Variants in LILRA5 observed in about 807,000 individuals in gnomAD.
LILRA5 encodes the protein leukocyte immunoglobulin-like receptor subfamily A member 5.
A neutral mutation model predicts 36.3 loss-of-function variants in LILRA5; 31 were observed. The observed-to-expected ratio is 0.85, with a 90% confidence interval of 0.64 to 1.15. The LOEUF is 1.15. LILRA5 is among the 50% of genes most tolerant of loss of function. The pLI is 0.00. For synonymous variants in LILRA5, 144 were observed against 144.8 expected (o/e 0.99, Z 0.04); for missense variants, 348 against 377.4 (o/e 0.92, Z 0.64).
chr19:54,308,348 TATATAA>T (rs1569138873), intron 5 of LILRA5: 151 of 10,674 alleles, frequency 0.014, 7 homozygotes, highest in African/African-American at 0.06. Flanking sequence ...TATATATGTA[TATATAA>T]ATATATATAT....
intron 5 of LILRA5, chr19:54,308,359 ATAT>A: frequency 2.2e-4 from 2 of 8,894 alleles, no homozygotes; most frequent in Admixed American, 1.8e-3. Flanking sequence ...ATATAAATAT[ATAT>A]ATATATATAT....
intron 5 of LILRA5, 182 bp downstream of exon 5, chr19:54,311,232 A>T (rs867801878): frequency 6.8e-7 from 1 of 1,478,070 alleles, no homozygotes; most frequent in Middle Eastern, 2.0e-4. Context: ...CTGAGATTAC[A>T]CGTGTGAGCC....
chr19:54,307,278 A>G lies in LILRA5; in HGVS notation c.*135T>C, dbSNP rs908929104. Reference sequence around the variant, plus strand: ...AAAAAAAAAAAAAAGAAAGAAAAGAAAAGAAAGAAAAAAAGAAATTGCCAG... The same window carrying G: ...AAAAAAAAAAAAAAGAAAGAAAAGAGAAGAAAGAAAAAAAGAAATTGCCAG... On this transcript the variant is annotated 3_prime_UTR_variant, in exon 7 of 7. Coordinates refer to ENST00000432233, the MANE Select transcript of LILRA5 (RefSeq NM_021250.4). 1 of 749,024 alleles carries G rather than the reference A, an allele frequency of 1.3e-6. No individual in the cohort carries two copies. The highest frequency in any genetic ancestry group is 3.1e-5 in the Admixed American group (1 of 32,322). The allele number at this position is 749,024 out of a possible 1,614,324, so 46.4% of individuals were successfully genotyped here.
intron 5 of LILRA5, chr19:54,309,750 C>G (rs934022269): frequency 2.0e-5 from 3 of 152,414 alleles, no homozygotes; most frequent in Admixed American, 6.5e-5. Flanking sequence ...ATCCATATAT[C>G]TTAAAGAGAC....
At chr19:54,310,025 C>T (rs770948432) in intron 5 of LILRA5, 10 of 318,184 alleles carry the variant, frequency 3.1e-5, no homozygotes, top group Admixed American at 2.3e-4. Context: ...GCAGGTCTGG[C>T]GTGGACTCCA....
rs112425818 is a variant in LILRA5, at chr19:54,312,319, C to T, written c.124+16G>A. 1,348 of 1,614,212 alleles carry T rather than the reference C, an allele frequency of 8.4e-4. 9 individuals are homozygous for T. In the African/African-American group the frequency reaches 0.016, roughly 19 times the overall value. On this transcript the variant is annotated intron_variant, in intron 3 of 6. Transcript: ENST00000432233. ...ATTGAGGAGGAGGGACCTGGGACAG[C>T]TGGGGACAGACTCACCTGCCTGCAC...
chr19:54,307,426 G>A lies in LILRA5; in HGVS notation c.887C>T (p.Ala296Val). 6.2e-7 allele frequency: 1 copy of A among 1,611,536 alleles called. No homozygotes were observed. Among genetic ancestry groups the A allele is most frequent in the Non-Finnish European group, 8.5e-7 (1 of 1,178,760 alleles). The change falls in exon 7 of 7, where the codon GCA becomes GTA. Residue 296 changes from alanine (A) to valine (V), a missense_variant. Coordinates refer to ENST00000432233, the MANE Select transcript of LILRA5 (RefSeq NM_021250.4). ...DWHSQRSPQA[A>V]AGR Reference sequence around the variant, plus strand: ...TCTCTCTTCTGTTCACCTTCCAGCTGCAGCTTGGGGGCTTCTCTGGCTGTG... The same window carrying A: ...TCTCTCTTCTGTTCACCTTCCAGCTACAGCTTGGGGGCTTCTCTGGCTGTG...
At chr19:54,309,909 G>C (rs1033844713) in intron 5 of LILRA5, 1 of 162,948 alleles carries the variant, frequency 6.1e-6, no homozygotes, top group Non-Finnish European at 1.4e-5. Context: ...GCAGGTGCGC[G>C]GCCCCTCCTT....
Position 54,312,085 on chromosome 19 carries a change from A to G in LILRA5, c.188T>C (p.Val63Ala), listed in dbSNP as rs531348834. 132 of 1,614,098 alleles carry G rather than the reference A, an allele frequency of 8.2e-5. 2 individuals are homozygous for G. In the South Asian group the frequency reaches 1.4e-3, roughly 17 times the overall value. Residue 63 changes from valine to alanine, a missense_variant, in exon 4 of 7, where the codon GTG becomes GCG. Physicochemically the swap from Val to Ala is moderately conservative, Grantham distance 64 (BLOSUM62 0). Coordinates refer to ENST00000432233, the MANE Select transcript of LILRA5 (RefSeq NM_021250.4). ...PGSVISRGNSVTIRCQGTLEA... is the reference protein window; with the variant it reads ...PGSVISRGNSATIRCQGTLEA... ...CAGGGTCCCCTGACACCGGATGGTC[A>G]CAGAGTTCCCCCGGCTGATCACAGA...
intron 3 of LILRA5, 45 bp from the exon 4 acceptor site, chr19:54,312,193 C>G (rs1164340421): frequency 3.1e-6 from 5 of 1,610,708 alleles, no homozygotes; most frequent in Non-Finnish European, 4.2e-6. Flanking sequence ...CCCCACCCCT[C>G]AGATCCCAGC....
At position 54,307,242 on chromosome 19, in the gene LILRA5, C is replaced by CAAA. The variant is rs10573769; in HGVS notation, c.*168_*170dup. On this transcript the variant is annotated 3_prime_UTR_variant, in exon 7 of 7. Coordinates refer to ENST00000432233, the MANE Select transcript of LILRA5 (RefSeq NM_021250.4). Reference sequence around the variant, plus strand: ...CTGGTGACAGAGCAAGACTCCATCTCAAAAAAAAAAAAAAAAAAAAAAAAG... The same window carrying CAAA: ...CTGGTGACAGAGCAAGACTCCATCTCAAAAAAAAAAAAAAAAAAAAAAAAAAAG... 1,425 of 115,290 alleles carry CAAA rather than the reference C, an allele frequency of 0.012. 9 individuals are homozygous for CAAA. The highest frequency in any genetic ancestry group is 0.019 in the South Asian group (96 of 5,092). 7.1% of individuals were successfully genotyped at this position (115,290 alleles called of 1,614,324 possible). A position where few individuals can be genotyped will look rare whatever the true frequency, so the allele number is the denominator to read the frequency against.
intron 5 of LILRA5, chr19:54,309,697 C>T (rs1254343007): frequency 6.6e-6 from 1 of 151,888 alleles, no homozygotes; most frequent in Non-Finnish European, 1.5e-5. Flanking sequence ...TGAATTATGC[C>T]CCCAGGACAA....
Position 54,312,356 on chromosome 19 carries a change from G to C in LILRA5, c.103C>G (p.Pro35Ala). 1 of 1,614,166 alleles carries C rather than the reference G, an allele frequency of 6.2e-7. No individual in the cohort carries two copies. Among genetic ancestry groups the C allele is most frequent in the African/African-American group, 1.3e-5 (1 of 75,036 alleles). Residue 35 changes from proline (P) to alanine (A), a missense_variant, in exon 3 of 7, where the codon CCC (proline) becomes GCC (alanine). Pro to Ala is a conservative substitution (Grantham distance 27). Transcript: ENST00000432233. ...VLLCLGLSLG[P>A]RTHVQAGNLS... ...TCACCTGCCTGCACGTGGGTCCTGG[G>C]GCCCAGACTCAGCCCTGGAAGAGAG...
At position 54,311,930 on chromosome 19, in the gene LILRA5, G is replaced by A. The variant is rs1021848337; in HGVS notation, c.343C>T (p.Arg115Cys). The change falls in exon 4 of 7, where the codon CGC becomes TGC. Residue 115 changes from arginine to cysteine, a missense_variant. By Grantham distance (180) the Arg-to-Cys change is radical. Coordinates refer to ENST00000432233, the MANE Select transcript of LILRA5 (RefSeq NM_021250.4). ...SMTEHHAGRY[R>C]CYYYSPAGWS... Reference sequence around the variant, plus strand: ...CCTGCAGGGCTGTAGTAGTAACAGCGGTATCTCCCTGCATGGTGCTCTGTC... The same window carrying A: ...CCTGCAGGGCTGTAGTAGTAACAGCAGTATCTCCCTGCATGGTGCTCTGTC... The A allele has an allele frequency of 8.7e-6, 14 of 1,614,048 alleles. No individual in the cohort carries two copies. Among genetic ancestry groups the A allele is most frequent in the African/African-American group, 2.7e-5 (2 of 74,920 alleles).
chr19:54,308,953 A>C (rs1423194342), intron 5 of LILRA5: 1 of 152,242 alleles, frequency 6.6e-6, no homozygotes, highest in African/African-American at 2.4e-5. Context: ...ATGCAGTTAC[A>C]TGCATATTAA....
At position 54,313,061 on chromosome 19, in the gene LILRA5, G is replaced by A. The variant is rs774530992; in HGVS notation, c.-42C>T. 6 of 1,612,600 alleles carry A rather than the reference G, an allele frequency of 3.7e-6. No individual in the cohort carries two copies. The highest frequency in any genetic ancestry group is 5.1e-6 in the Non-Finnish European group (6 of 1,179,292). On this transcript the variant is annotated 5_prime_UTR_variant, in exon 1 of 7. Transcript: ENST00000432233. ...GCCCTGGAGATGCTTCAGGGAAGAT[G>A]CAGGTCCATGCCACAGGCAGACTCA... is the stretch of plus-strand genomic sequence containing the variant.
At position 54,307,242 on chromosome 19, in the gene LILRA5, CAAAAAAA is replaced by C. The variant is rs10573769; in HGVS notation, c.*164_*170del. 97 of 115,694 alleles carry C rather than the reference CAAAAAAA, an allele frequency of 8.4e-4. No homozygotes were observed. The East Asian group carries it at 0.01, about 12-fold the overall frequency. The allele number at this position is 115,694 out of a possible 1,614,324, so 7.2% of individuals were successfully genotyped here. ...CTGGTGACAGAGCAAGACTCCATCT[CAAAAAAA>C]AAAAAAAAAAAAAAAAAGAAAGAAA... On this transcript the variant is annotated 3_prime_UTR_variant, in exon 7 of 7. Coordinates refer to ENST00000432233, the MANE Select transcript of LILRA5 (RefSeq NM_021250.4).
chr19:54,308,529 C>T (rs891448647), intron 5 of LILRA5: 5 of 150,698 alleles, frequency 3.3e-5, no homozygotes, highest in South Asian at 2.1e-4. Flanking sequence ...GAGTTCGAGA[C>T]CAGCCTGGCC....
Position 54,307,403 on chromosome 19 carries a change from T to G in LILRA5, c.*10A>C, listed in dbSNP as rs774532415. 4 of 1,601,022 alleles carry G rather than the reference T, an allele frequency of 2.5e-6. No homozygotes were observed. In the Admixed American group the frequency reaches 5.1e-5, roughly 20 times the overall value. ...TCCAGCATTCAATGGTGCATTGTTC[T>G]CTCTTCTGTTCACCTTCCAGCTGCA... On this transcript the variant is annotated 3_prime_UTR_variant, in exon 7 of 7. Coordinates refer to ENST00000432233, the MANE Select transcript of LILRA5 (RefSeq NM_021250.4).
Sources: allele counts gnomAD v4.1 joint callset, GRCh38; gene constraint gnomAD v4.1.1; transcripts MANE v1.5; gene names NCBI Gene and HGNC (gene_info 2026-07-23, HGNC 2026-07-21).